Variants in ITFG1 observed in about 807,000 individuals in gnomAD.
The protein encoded by ITFG1 is T-cell immunomodulatory protein.
Under a neutral mutation model 81.8 loss-of-function variants are expected in ITFG1, and 34 were observed. The ratio of observed to expected loss-of-function variants is 0.42; its 90% CI spans 0.32 to 0.55. The LOEUF is 0.55. Ranked by LOEUF, ITFG1 falls within the 20% of genes least tolerant of loss-of-function variation. The pLI is 0.17. For synonymous variants in ITFG1, 285 were observed against 270.6 expected (o/e 1.05, Z -0.52); for missense variants, 672 against 755.4 (o/e 0.89, Z 1.29).
chr16:47,274,659 T>G lies in ITFG1; in HGVS notation c.1071-13964A>C, dbSNP rs1160433752. 4.6e-5 allele frequency among the ~76,000 whole-genome samples: 7 copies of G among 152,180 alleles called. No homozygotes were observed. In the East Asian group the frequency reaches 1.2e-3, roughly 25 times the overall value. ...CTTATTATAATGGTAGCTTTAAAACTGCCAAACAATAGAATACCTATGATA... is the reference window on the plus strand; with the variant it reads ...CTTATTATAATGGTAGCTTTAAAACGGCCAAACAATAGAATACCTATGATA... On this transcript the variant is annotated intron_variant, in intron 10 of 17. Coordinates refer to ENST00000320640, the MANE Select transcript of ITFG1 (RefSeq NM_030790.5).
At chr16:47,227,728 G>C (rs1372178992) in intron 13 of ITFG1, among the ~76,000 whole-genome samples, 1 of 152,026 alleles carries the variant, frequency 6.6e-6, no homozygotes, top group Admixed American at 6.6e-5. Flanking sequence ...CAAATCATTG[G>C]CTCTGGATGA....
At chr16:47,362,323 T>C (rs1968119947) in intron 8 of ITFG1, among the ~76,000 whole-genome samples, 1 of 152,204 alleles carries the variant, frequency 6.6e-6, no homozygotes, top group Admixed American at 6.5e-5. Context: ...GAGGTTCTAA[T>C]AATCTTCCTC....
chr16:47,394,373 C>G (rs896863713), intron 6 of ITFG1, among the ~76,000 whole-genome samples: 49 of 152,276 alleles, frequency 3.2e-4, no homozygotes, highest in African/African-American at 1.2e-3. Flanking sequence ...TCAACCTTAG[C>G]TCACTTTGCC....
chr16:47,335,358 AAAAAC>A (rs999993232), intron 8 of ITFG1, among the ~76,000 whole-genome samples: 5 of 152,252 alleles, frequency 3.3e-5, no homozygotes, highest in African/African-American at 9.6e-5. Context: ...GACTCTAAGA[AAAAAC>A]AAAACAAAAC....
intron 12 of ITFG1, among the ~76,000 whole-genome samples, chr16:47,251,725 T>C (rs1054086068): frequency 1.3e-5 from 2 of 152,228 alleles, no homozygotes; most frequent in African/African-American, 4.8e-5. Context: ...TTTTCCTATA[T>C]GTACATACCT....
At chr16:47,394,800 A>C (rs1355072596) in intron 6 of ITFG1, among the ~76,000 whole-genome samples, 1 of 152,154 alleles carries the variant, frequency 6.6e-6, no homozygotes, top group Non-Finnish European at 1.5e-5. Context: ...ATGGTATCTG[A>C]GATCCTGAGT....
intron 10 of ITFG1, among the ~76,000 whole-genome samples, chr16:47,265,796 T>C (rs1966268762): frequency 6.6e-6 from 1 of 152,108 alleles, no homozygotes; most frequent in Non-Finnish European, 1.5e-5. Context: ...ACACACAAAC[T>C]ACAAGCCATA....
chr16:47,248,041 T>C (rs1422692184), intron 12 of ITFG1, among the ~76,000 whole-genome samples: 1 of 151,770 alleles, frequency 6.6e-6, no homozygotes, highest in East Asian at 1.9e-4. Context: ...TATGTAACAT[T>C]ACATACATAC....
At chr16:47,371,377 T>C (rs1369263498) in intron 7 of ITFG1, among the ~76,000 whole-genome samples, 1 of 152,200 alleles carries the variant, frequency 6.6e-6, no homozygotes, top group Non-Finnish European at 1.5e-5. Context: ...TTAGTAATAG[T>C]AGTAGGAACA....
chr16:47,376,321 T>C lies in ITFG1; in HGVS notation c.656-381A>G, dbSNP rs746062857. On this transcript the variant is annotated intron_variant, in intron 6 of 17. Transcript: ENST00000320640. ...CCTGAAAGCAAGCAACACTTACCTATATATCATAGTTTTCAGCATTATTTT... is the reference window on the plus strand; with the variant it reads ...CCTGAAAGCAAGCAACACTTACCTACATATCATAGTTTTCAGCATTATTTT... Among the ~76,000 whole-genome samples the C allele has an allele frequency of 3.4e-4, 50 of 148,854 alleles. No individual in the cohort carries two copies. The Middle Eastern group carries it at 0.021, about 61-fold the overall frequency.
At chr16:47,311,484 G>T in intron 9 of ITFG1, 72 bp from the exon 10 acceptor site, 1 of 1,161,926 alleles carries the variant, frequency 8.6e-7, no homozygotes. Flanking sequence ...CAAAACAAAC[G>T]ATCCATTAAG....
rs188216263 is a variant in ITFG1 at position 47,296,505 on chromosome 16, G to T, written c.1070+14735C>A. ...GGCTGGAGTGCAGTGGCACAATCTC[G>T]GCTCACTGAAACTTCCGCCTCCCGG... On this transcript the variant is annotated intron_variant, in intron 10 of 17. Coordinates refer to ENST00000320640, the MANE Select transcript of ITFG1 (RefSeq NM_030790.5). Among the ~76,000 whole-genome samples the T allele has an allele frequency of 3.9e-5, 6 of 152,032 alleles. No individual in the cohort carries two copies. The East Asian group carries it at 1.2e-3, about 30-fold the overall frequency.
intron 1 of ITFG1, among the ~76,000 whole-genome samples, chr16:47,460,069 G>C (rs114267635): frequency 2.8e-4 from 42 of 152,316 alleles, no homozygotes; most frequent in Admixed American, 1.0e-3. Flanking sequence ...AAAAAAGTTA[G>C]TTTAACGATT....
intron 6 of ITFG1, among the ~76,000 whole-genome samples, chr16:47,379,427 C>T (rs2151591769): frequency 6.6e-6 from 1 of 152,254 alleles, no homozygotes; most frequent in Admixed American, 6.5e-5. Context: ...GTGGCTCACA[C>T]CAGTAATGTC....
At chr16:47,449,870 T>C (rs1480129135) in intron 5 of ITFG1, 1 of 152,124 alleles carries the variant, frequency 6.6e-6, no homozygotes, top group Non-Finnish European at 1.5e-5. Flanking sequence ...TCTGTACAGG[T>C]AATAGAAGTT....
chr16:47,351,170 T>C (rs1220255885), intron 8 of ITFG1, among the ~76,000 whole-genome samples: 2 of 152,188 alleles, frequency 1.3e-5, no homozygotes, highest in East Asian at 3.9e-4. Flanking sequence ...ATGCCCTCTC[T>C]CACCACTAAT....
At chr16:47,403,956 G>A (rs1968696339) in intron 6 of ITFG1, among the ~76,000 whole-genome samples, 1 of 151,212 alleles carries the variant, frequency 6.6e-6, no homozygotes, top group African/African-American at 2.4e-5. Flanking sequence ...ACAAGCTCAG[G>A]GTTCCCACTG....
intron 8 of ITFG1, among the ~76,000 whole-genome samples, chr16:47,355,555 C>T (rs1017811865): frequency 1.3e-4 from 20 of 152,176 alleles, no homozygotes; most frequent in East Asian, 1.2e-3. Context: ...CACAAAGAAA[C>T]GATGCTTGAG....
At chr16:47,365,660 T>G in intron 8 of ITFG1, 128 bp downstream of exon 8, 1 of 580,496 alleles carries the variant, frequency 1.7e-6, no homozygotes, top group East Asian at 2.7e-5. Context: ...AGGCATCTTT[T>G]GAAGCTATAA....
Sources: allele counts gnomAD v4.1 joint callset (sites outside exome capture counted in the v4.1 genomes callset), GRCh38; gene constraint gnomAD v4.1.1; transcripts MANE v1.5; gene names NCBI Gene and HGNC (gene_info 2026-07-23, HGNC 2026-07-21).